TMEM132C: variants seen among roughly 807,000 people sequenced by gnomAD.
TMEM132C encodes protein phosphatase 1, regulatory subunit 152.
TMEM132C carries 29 observed loss-of-function variants against 61.4 expected under a neutral mutation model. The observed-to-expected ratio is 0.47, with a 90% CI of 0.35 to 0.64. TMEM132C has a LOEUF of 0.64. TMEM132C is among the 30% of genes least tolerant of loss of function. The pLI is 0.00. For synonymous variants in TMEM132C, 656 were observed against 633.1 expected, an observed-to-expected ratio of 1.04 and a Z score of -0.54; for missense variants, 1,408 against 1,476.9, an observed-to-expected ratio of 0.95 and a Z score of 0.76.
chr12:128,381,871 G>A (rs1874411144), intron 1 of TMEM132C, among the ~76,000 whole-genome samples: 1 of 152,088 alleles, frequency 6.6e-6, no homozygotes, highest in Admixed American at 6.6e-5. Flanking sequence ...GGGCAGTCTA[G>A]CAACCTCTTA....
chr12:128,277,354 AT>A (rs1263205132), intron 1 of TMEM132C, among the ~76,000 whole-genome samples: 1 of 152,126 alleles, frequency 6.6e-6, no homozygotes, highest in Non-Finnish European at 1.5e-5. Flanking sequence ...TGCTGTCTTC[AT>A]TTTGGAGAGG....
chr12:128,688,708 A>T (rs11059832), intron 5 of TMEM132C, among the ~76,000 whole-genome samples: 1 of 152,066 alleles, frequency 6.6e-6, no homozygotes, highest in African/African-American at 2.4e-5. Context: ...GAAAAAGACA[A>T]ATCAAGCAAA....
intron 5 of TMEM132C, among the ~76,000 whole-genome samples, chr12:128,681,679 A>T (rs1312669533): frequency 3.0e-5 from 1 of 33,174 alleles, no homozygotes; most frequent in Non-Finnish European, 6.7e-5. Context: ...TTTGAGACAG[A>T]GTCTCACCCT....
chr12:128,636,560 T>TTTTGTGTGTG (rs1555238590), intron 4 of TMEM132C, among the ~76,000 whole-genome samples: 1 of 100,680 alleles, frequency 9.9e-6, no homozygotes, highest in African/African-American at 4.8e-5. Flanking sequence ...TTTTGGGTTT[T>TTTTGTGTGTG]TGTTTGTGTG....
chr12:128,656,541 C>T (rs1173861029), intron 4 of TMEM132C, among the ~76,000 whole-genome samples: 1 of 152,328 alleles, frequency 6.6e-6, no homozygotes, highest in African/African-American at 2.4e-5. Flanking sequence ...TGGACTAGAC[C>T]GGTTCTCAAC....
At chr12:128,451,644 A>G (rs148400330) in intron 2 of TMEM132C, among the ~76,000 whole-genome samples, 1 of 152,204 alleles carries the variant, frequency 6.6e-6, no homozygotes, top group Non-Finnish European at 1.5e-5. Context: ...TAAGCATTGC[A>G]CTTTCGGTCT....
chr12:128,372,807 C>T (rs577218169), intron 1 of TMEM132C, among the ~76,000 whole-genome samples: 22 of 151,952 alleles, frequency 1.4e-4, no homozygotes, highest in African/African-American at 5.1e-4. Context: ...TAGGCTTTAT[C>T]GTAACCAGAG....
chr12:128,432,616 G>C (rs1869430059), intron 2 of TMEM132C, among the ~76,000 whole-genome samples: 1 of 152,200 alleles, frequency 6.6e-6, no homozygotes, highest in Non-Finnish European at 1.5e-5. Flanking sequence ...GCAATCTCAT[G>C]ATAAAATTTG....
intron 3 of TMEM132C, among the ~76,000 whole-genome samples, chr12:128,579,151 C>T (rs907419413): frequency 2.0e-5 from 3 of 152,146 alleles, no homozygotes; most frequent in African/African-American, 7.2e-5. Flanking sequence ...AGCCTGGGGG[C>T]GAGCACCTGA....
intron 1 of TMEM132C, among the ~76,000 whole-genome samples, chr12:128,387,153 A>T (rs1874610929): frequency 6.6e-6 from 1 of 151,664 alleles, no homozygotes; most frequent in African/African-American, 2.4e-5. Flanking sequence ...AAAAAAAAAA[A>T]AAAAAAAAGA....
chr12:128,705,020 C>T, intron 8 of TMEM132C, 70 bp from the exon 9 acceptor site: 3 of 1,442,690 alleles, frequency 2.1e-6, no homozygotes, highest in Non-Finnish European at 2.7e-6. Flanking sequence ...ATTGGGCGTC[C>T]TCCTAGGAGG....
At chr12:128,491,445 A>G (rs1017850429) in intron 2 of TMEM132C, among the ~76,000 whole-genome samples, 13 of 152,204 alleles carry the variant, frequency 8.5e-5, no homozygotes, top group Admixed American at 1.3e-4. Context: ...CTTGTGCCCA[A>G]TGGAGCGAGA....
intron 3 of TMEM132C, among the ~76,000 whole-genome samples, chr12:128,547,718 G>A (rs1874010574): frequency 6.6e-6 from 1 of 152,180 alleles, no homozygotes; most frequent in Non-Finnish European, 1.5e-5. Flanking sequence ...GGGAACCTAG[G>A]GAGACATAAA....
At position 128,695,945 on chromosome 12, in the gene TMEM132C, G is replaced by C. The variant is rs553310471; in HGVS notation, c.1771G>C (p.Gly591Arg). The C allele has an allele frequency of 1.9e-5, 29 of 1,551,638 alleles. No individual in the cohort carries two copies. The African/African-American group carries it at 3.0e-4, about 16-fold the overall frequency. ...CACCCAGTTTGTGTCTGAGGGCGCCGGTCCATGGGGCCAGCCGAACTACCT... is the reference window on the plus strand; with the variant it reads ...CACCCAGTTTGTGTCTGAGGGCGCCCGTCCATGGGGCCAGCCGAACTACCT... ...VLTQFVSEGA[G>R]PWGQPNYLLS... Residue 591 changes from glycine to arginine, a missense_variant, in exon 7 of 9, where the codon GGT becomes CGT. Coordinates refer to ENST00000435159, the MANE Select transcript of TMEM132C (RefSeq NM_001136103.3).
intron 2 of TMEM132C, among the ~76,000 whole-genome samples, chr12:128,500,592 G>C (rs938980064): frequency 2.0e-5 from 3 of 152,010 alleles, no homozygotes; most frequent in Admixed American, 6.6e-5. Context: ...ATACAAAATG[G>C]TGCCCAACAT....
intron 3 of TMEM132C, among the ~76,000 whole-genome samples, chr12:128,559,766 C>A (rs950852680): frequency 1.3e-5 from 2 of 152,144 alleles, no homozygotes; most frequent in African/African-American, 4.8e-5. Context: ...GCCTGGGATC[C>A]ACTGAGTCAC....
chr12:128,428,490 G>A (rs1869272822), intron 2 of TMEM132C, among the ~76,000 whole-genome samples: 1 of 152,144 alleles, frequency 6.6e-6, no homozygotes, highest in Non-Finnish European at 1.5e-5. Context: ...CTTGGTATGA[G>A]TCATACACCC....
Position 128,423,929 on chromosome 12 carries a change from C to T in TMEM132C, c.974+8309C>T, listed in dbSNP as rs573573638. On this transcript the variant is annotated intron_variant, in intron 2 of 8. Transcript: ENST00000435159. The stretch of plus-strand genomic sequence containing the variant: ...GGCGTGGTGGCAGGTACCTGTAGTC[C>T]CAGCTACTTGGGGGTGCTGAGGCAG... Among the ~76,000 whole-genome samples the T allele has an allele frequency of 2.0e-5, 3 of 151,320 alleles. 1 individual carries two copies. Among genetic ancestry groups the T allele is most frequent in the Admixed American group, 2.0e-4 (3 of 15,154 alleles).
chr12:128,573,227 A>G (rs1219809968), intron 3 of TMEM132C, among the ~76,000 whole-genome samples: 1 of 152,194 alleles, frequency 6.6e-6, no homozygotes, highest in Non-Finnish European at 1.5e-5. Context: ...GATAGACTGG[A>G]TTAAGAAAAT....
Sources: gnomAD v4.1 joint callset for allele counts (sites outside exome capture counted in the v4.1 genomes callset) on GRCh38, gnomAD v4.1.1 for gene constraint, MANE v1.5 for transcripts, NCBI Gene and HGNC (gene_info 2026-07-23, HGNC 2026-07-21) for gene names.